Variants in GNAQ observed in about 807,000 individuals in gnomAD.
GNAQ encodes G protein subunit alpha q.
GNAQ carries 8 observed loss-of-function variants against 43.9 expected under a neutral mutation model. The ratio of observed to expected loss-of-function variants is 0.18; its 90% CI spans 0.11 to 0.33. The LOEUF is 0.33. Among genes scored for constraint, GNAQ ranks in the 10% least tolerant of loss-of-function variants. GNAQ has a pLI of 1.00. For synonymous variants in GNAQ, 155 were observed against 170.7 expected, an observed-to-expected ratio of 0.91 and a Z score of 0.71; for missense variants, 158 against 450.8, an observed-to-expected ratio of 0.35 and a Z score of 5.88.
chr9:77,793,668 C>A (rs1034024609), intron 5 of GNAQ, among the ~76,000 whole-genome samples: 1 of 152,058 alleles, frequency 6.6e-6, no homozygotes, highest in Admixed American at 6.6e-5. Flanking sequence ...CTGCCTCTAA[C>A]AGGATATCAA....
chr9:77,797,912 G>A (rs531081477), intron 3 of GNAQ, among the ~76,000 whole-genome samples: 1 of 152,278 alleles, frequency 6.6e-6, no homozygotes, highest in South Asian at 2.1e-4. Context: ...CCAGAGGCAA[G>A]GGGTGGGAGA....
intron 1 of GNAQ, among the ~76,000 whole-genome samples, chr9:77,951,565 G>A (rs1309578678): frequency 1.3e-5 from 2 of 152,132 alleles, no homozygotes; most frequent in African/African-American, 2.4e-5. Flanking sequence ...TTACTTAGCT[G>A]TGTACCTAAA....
chr9:77,817,230 A>AT (rs1461091065), intron 2 of GNAQ, among the ~76,000 whole-genome samples: 2 of 152,100 alleles, frequency 1.3e-5, no homozygotes, highest in African/African-American at 4.8e-5. Context: ...TCCTCAATGA[A>AT]TCCCCACTGC....
chr9:77,986,893 C>T (rs1823445715), intron 1 of GNAQ, among the ~76,000 whole-genome samples: 2 of 138,604 alleles, frequency 1.4e-5, no homozygotes, highest in South Asian at 4.7e-4. Context: ...AGTAACTGTT[C>T]TCTACTTGTT....
intron 5 of GNAQ, among the ~76,000 whole-genome samples, chr9:77,777,453 T>A (rs1826320473): frequency 6.6e-6 from 1 of 151,962 alleles, no homozygotes; most frequent in South Asian, 2.1e-4. Context: ...TTCTTAGATA[T>A]AACACCTAAA....
intron 3 of GNAQ, among the ~76,000 whole-genome samples, chr9:77,804,580 AC>A (rs1265538994): frequency 6.6e-6 from 1 of 152,156 alleles, no homozygotes; most frequent in Non-Finnish European, 1.5e-5. Context: ...GGCAAAAAGT[AC>A]CTGTGGATAG....
intron 2 of GNAQ, among the ~76,000 whole-genome samples, chr9:77,847,499 A>G (rs542175452): frequency 1.3e-5 from 2 of 152,346 alleles, no homozygotes; most frequent in East Asian, 1.9e-4. Context: ...GCTACAGCAG[A>G]TATCAAAAAG....
intron 2 of GNAQ, among the ~76,000 whole-genome samples, chr9:77,906,988 A>G (rs975270360): frequency 6.6e-6 from 1 of 152,050 alleles, no homozygotes; most frequent in African/African-American, 2.4e-5. Flanking sequence ...TTGCTTTTCT[A>G]TGTTATCTGA....
intron 5 of GNAQ, among the ~76,000 whole-genome samples, chr9:77,779,883 T>C (rs1334059360): frequency 6.6e-6 from 1 of 151,760 alleles, no homozygotes; most frequent in Non-Finnish European, 1.5e-5. Flanking sequence ...AAACAGACAA[T>C]CTGAATAGGC....
intron 2 of GNAQ, among the ~76,000 whole-genome samples, chr9:77,830,837 C>CCA (rs5898566): frequency 1.5e-3 from 222 of 150,810 alleles, no homozygotes; most frequent in Admixed American, 2.5e-3. Context: ...AGGTGTTATA[C>CCA]CACACACACA....
At chr9:77,915,359 A>G (rs1236381041) in intron 2 of GNAQ, among the ~76,000 whole-genome samples, 1 of 150,698 alleles carries the variant, frequency 6.6e-6, no homozygotes, top group East Asian at 1.9e-4. Context: ...CTCTTTTAGT[A>G]TCCCATTTCA....
At chr9:77,855,679 T>C (rs560695876) in intron 2 of GNAQ, among the ~76,000 whole-genome samples, 1 of 152,188 alleles carries the variant, frequency 6.6e-6, no homozygotes, top group Admixed American at 6.5e-5. Context: ...ATTAAAGTAT[T>C]TCAAGGCAAA....
chr9:77,865,310 T>C (rs1435552245), intron 2 of GNAQ, among the ~76,000 whole-genome samples: 2 of 152,220 alleles, frequency 1.3e-5, no homozygotes, highest in Non-Finnish European at 2.9e-5. Context: ...TACAGTACTA[T>C]GGGAATAAAG....
intron 5 of GNAQ, among the ~76,000 whole-genome samples, chr9:77,735,212 A>C (rs74581722): frequency 0.012 from 1,883 of 152,320 alleles, 41 homozygotes; most frequent in African/African-American, 0.042. Flanking sequence ...CTTCACTTTT[A>C]ATTGCTATAA....
chr9:77,731,299 C>A (rs1210169005), intron 5 of GNAQ, among the ~76,000 whole-genome samples: 1 of 152,146 alleles, frequency 6.6e-6, no homozygotes, highest in African/African-American at 2.4e-5. Flanking sequence ...TTAACAATTT[C>A]CAGACTGGAC....
intron 3 of GNAQ, among the ~76,000 whole-genome samples, chr9:77,811,642 A>G (rs1826928732): frequency 6.6e-6 from 1 of 152,226 alleles, no homozygotes; most frequent in Non-Finnish European, 1.5e-5. Flanking sequence ...GAGTGACTCT[A>G]TGATGCCCAG....
At chr9:77,873,164 CAG>C (rs983384783) in intron 2 of GNAQ, among the ~76,000 whole-genome samples, 1 of 152,142 alleles carries the variant, frequency 6.6e-6, no homozygotes, top group Non-Finnish European at 1.5e-5. Flanking sequence ...AGAATAGAAA[CAG>C]AACTGTAATA....
intron 1 of GNAQ, among the ~76,000 whole-genome samples, chr9:77,985,772 G>C (rs554635869): frequency 8.9e-4 from 136 of 152,056 alleles, no homozygotes; most frequent in Non-Finnish European, 6.2e-4. Context: ...ATTTTTAGTA[G>C]AGATGGGGTT....
At chr9:78,013,973 G>T (rs558838493) in intron 1 of GNAQ, among the ~76,000 whole-genome samples, 50 of 152,220 alleles carry the variant, frequency 3.3e-4, no homozygotes, top group African/African-American at 1.2e-3. Flanking sequence ...TCCCTCCCAT[G>T]CAGGGGAGGG....
Sources: gnomAD v4.1 joint callset for allele counts (sites outside exome capture counted in the v4.1 genomes callset) on GRCh38, gnomAD v4.1.1 for gene constraint, MANE v1.5 for transcripts, NCBI Gene and HGNC (gene_info 2026-07-23, HGNC 2026-07-21) for gene names.